Variants in KCNJ3 observed in about 807,000 individuals in gnomAD.
The protein encoded by KCNJ3 is G protein-activated inward rectifier potassium channel 1.
In KCNJ3, 4 loss-of-function variants were observed where a neutral mutation model predicts 39.2. That is an observed-to-expected ratio of 0.10 (90% CI 0.05 to 0.23). The LOEUF is 0.23. Ranked by LOEUF, KCNJ3 falls within the 10% of genes least tolerant of loss-of-function variation. The pLI is 1.00. For synonymous variants in KCNJ3, 230 were observed against 237.4 expected (o/e 0.97, Z 0.29); for missense variants, 276 against 634.9 (o/e 0.43, Z 6.08).
chr2:154,708,104 A>AT (rs893550949), intron 1 of KCNJ3, among the ~76,000 whole-genome samples: 1 of 151,744 alleles, frequency 6.6e-6, no homozygotes, highest in Non-Finnish European at 1.5e-5. Flanking sequence ...GTCAGTAATC[A>AT]TTTTTTTCAT....
intron 2 of KCNJ3, among the ~76,000 whole-genome samples, chr2:154,745,194 T>G (rs555707622): frequency 6.6e-6 from 1 of 152,092 alleles, no homozygotes; most frequent in African/African-American, 2.4e-5. Flanking sequence ...AAACATGTAT[T>G]TGATGTTAAT....
rs1553458769 is a variant in KCNJ3, at chr2:154,782,540, A to ACACACAC, written c.920-72187_920-72186insCACACAC. On this transcript the variant is annotated intron_variant, in intron 2 of 2. Transcript: ENST00000295101. ...AACATACAGGCACACACACACACAC[A>ACACACAC]TACACGCAGGCTTTCACATCCAACA... 1.5e-4 allele frequency among the ~76,000 whole-genome samples: 11 copies of ACACACAC among 72,454 alleles called. No homozygotes were observed. In the South Asian group the frequency reaches 4.2e-3, roughly 28 times the overall value. The allele number at this position is 72,454 out of a possible 152,430, so 47.5% of individuals were successfully genotyped here. A position where few individuals can be genotyped will look rare whatever the true frequency, so the allele number is the denominator to read the frequency against.
chr2:154,710,619 A>ATATGTGTGTGTGTG (rs1341740564), intron 2 of KCNJ3, among the ~76,000 whole-genome samples: 2 of 151,926 alleles, frequency 1.3e-5, no homozygotes, highest in Non-Finnish European at 1.5e-5. Context: ...ATGTATACGT[A>ATATGTGTGTGTGTG]TATGTGTGTG....
At chr2:154,735,069 CTGTGTGTGTGTG>C (rs10632638) in intron 2 of KCNJ3, among the ~76,000 whole-genome samples, 3 of 145,894 alleles carry the variant, frequency 2.1e-5, no homozygotes, top group Non-Finnish European at 3.0e-5. Context: ...CCTTGTAGGC[CTGTGTGTGTGTG>C]TGTGTGTGTG....
intron 1 of KCNJ3, among the ~76,000 whole-genome samples, chr2:154,704,428 T>C (rs975185595): frequency 6.6e-6 from 1 of 152,160 alleles, no homozygotes; most frequent in African/African-American, 2.4e-5. Flanking sequence ...GCTCTTTCAT[T>C]TGAATGGTAT....
chr2:154,712,584 A>T (rs1018513453), intron 2 of KCNJ3, among the ~76,000 whole-genome samples: 1 of 152,292 alleles, frequency 6.6e-6, no homozygotes, highest in East Asian at 1.9e-4. Context: ...CTAGAGATAT[A>T]GTGGTGACCC....
intron 2 of KCNJ3, among the ~76,000 whole-genome samples, chr2:154,809,056 A>G (rs933917995): frequency 7.9e-5 from 12 of 152,192 alleles, no homozygotes; most frequent in African/African-American, 1.2e-4. Context: ...ATGGGCCACA[A>G]TGATGTAGCT....
chr2:154,787,603 C>T (rs1686555361), intron 2 of KCNJ3, among the ~76,000 whole-genome samples: 1 of 151,920 alleles, frequency 6.6e-6, no homozygotes, highest in African/African-American at 2.4e-5. Context: ...TTTTCCGAGT[C>T]CAATTCTCAC....
At chr2:154,801,854 T>G (rs1202320755) in intron 2 of KCNJ3, among the ~76,000 whole-genome samples, 1 of 152,178 alleles carries the variant, frequency 6.6e-6, no homozygotes, top group Non-Finnish European at 1.5e-5. Flanking sequence ...CTCGAACTAC[T>G]GGGCTCAAGC....
chr2:154,811,250 C>G (rs1352845784), intron 2 of KCNJ3, among the ~76,000 whole-genome samples: 1 of 152,004 alleles, frequency 6.6e-6, no homozygotes, highest in African/African-American at 2.4e-5. Flanking sequence ...GGCTAGGAGA[C>G]GTGGCATATG....
intron 2 of KCNJ3, among the ~76,000 whole-genome samples, chr2:154,781,002 C>A (rs951271602): frequency 6.6e-6 from 1 of 152,158 alleles, no homozygotes; most frequent in African/African-American, 2.4e-5. Flanking sequence ...TTGGAAAGGG[C>A]TTTCACTGTA....
chr2:154,726,010 G>C (rs1161411740), intron 2 of KCNJ3, among the ~76,000 whole-genome samples: 1 of 152,036 alleles, frequency 6.6e-6, no homozygotes, highest in African/African-American at 2.4e-5. Flanking sequence ...AAAAATTCTA[G>C]AAGATAACAT....
intron 2 of KCNJ3, among the ~76,000 whole-genome samples, chr2:154,746,463 G>A (rs1227194750): frequency 1.3e-5 from 2 of 151,382 alleles, no homozygotes; most frequent in Non-Finnish European, 2.9e-5. Flanking sequence ...GTAAATAGGT[G>A]TTATACTATA....
chr2:154,758,028 A>G (rs1432940715), intron 2 of KCNJ3, among the ~76,000 whole-genome samples: 1 of 151,046 alleles, frequency 6.6e-6, no homozygotes, highest in African/African-American at 2.4e-5. Flanking sequence ...AGTATTTGAG[A>G]AGTACTCAGC....
At chr2:154,729,232 G>A (rs1328884833) in intron 2 of KCNJ3, among the ~76,000 whole-genome samples, 1 of 152,096 alleles carries the variant, frequency 6.6e-6, no homozygotes, top group Non-Finnish European at 1.5e-5. Flanking sequence ...AGCATGACTT[G>A]AACAAATTGC....
At chr2:154,842,363 T>C (rs367760277) in intron 2 of KCNJ3, among the ~76,000 whole-genome samples, 1 of 152,216 alleles carries the variant, frequency 6.6e-6, no homozygotes. Context: ...CTTCCAATTA[T>C]GTGGTCAATT....
intron 2 of KCNJ3, among the ~76,000 whole-genome samples, chr2:154,778,187 T>G (rs1686372386): frequency 6.6e-6 from 1 of 152,202 alleles, no homozygotes; most frequent in African/African-American, 2.4e-5. Flanking sequence ...TCTTCAGTTT[T>G]TATGACCAAA....
chr2:154,700,170 C>T (rs1684863135), intron 1 of KCNJ3, among the ~76,000 whole-genome samples: 2 of 152,208 alleles, frequency 1.3e-5, no homozygotes, highest in Admixed American at 1.3e-4. Context: ...TGTAGAGCCT[C>T]TTGTTAATTT....
At chr2:154,702,551 T>A (rs995493536) in intron 1 of KCNJ3, among the ~76,000 whole-genome samples, 2 of 152,048 alleles carry the variant, frequency 1.3e-5, no homozygotes, top group African/African-American at 4.8e-5. Flanking sequence ...TTTGCCTAAT[T>A]TTTATTATGC....
Sources: allele counts gnomAD v4.1 joint callset (sites outside exome capture counted in the v4.1 genomes callset), GRCh38; gene constraint gnomAD v4.1.1; transcripts MANE v1.5; gene names NCBI Gene and HGNC (gene_info 2026-07-23, HGNC 2026-07-21).